The following DNAJC16 variants were observed in gnomAD, a reference collection of about 807,000 sequenced individuals.
The protein encoded by DNAJC16 is DnaJ heat shock protein family (Hsp40) member C16, also known as dnaJ homolog subfamily C member 16.
Under a neutral mutation model 92.7 loss-of-function variants are expected in DNAJC16, and 76 were observed. That is an observed-to-expected ratio of 0.82 (90% CI 0.68 to 0.99). The LOEUF (loss-of-function observed/expected upper bound fraction) is 0.99. Among genes scored for constraint, DNAJC16 ranks in the 50% least tolerant of loss-of-function variants. DNAJC16 has a pLI of 0.00. For synonymous variants in DNAJC16, 328 were observed against 358.7 expected (o/e 0.91, Z 0.97); for missense variants, 869 against 942.4 (o/e 0.92, Z 1.02).
At chr1:15,565,858 T>C in intron 11 of DNAJC16, 61 bp from the exon 12 acceptor site, 1 of 1,518,816 alleles carries the variant, frequency 6.6e-7, no homozygotes, top group Non-Finnish European at 9.0e-7. Flanking sequence ...TTATTTTATC[T>C]TTTTTTAGCT....
chr1:15,546,351 G>A (rs968110434), intron 5 of DNAJC16, among the ~76,000 whole-genome samples: 2 of 152,134 alleles, frequency 1.3e-5, no homozygotes, highest in African/African-American at 4.8e-5. Flanking sequence ...AGACTGAGGT[G>A]TGATAGATAG....
chr1:15,561,512 C>T (rs1272146333), intron 8 of DNAJC16, among the ~76,000 whole-genome samples: 2 of 151,036 alleles, frequency 1.3e-5, no homozygotes, highest in South Asian at 2.1e-4. Flanking sequence ...TAGTGAAAAC[C>T]CGTCTCTACT....
chr1:15,548,271 T>A lies in DNAJC16; in HGVS notation c.866T>A (p.Leu289Ter), dbSNP rs772282080. ...QTPIVPLLYK[L>*]TAFAYKDYLS... ...TTCCTCTCTATTATGCCCTAACAGT[T>A]GACTGCCTTTGCATACAAAGATTAT... Residue 289 changes from leucine to a stop codon, truncating the protein, a stop_gained and splice_region_variant, in exon 7 of 15, where the codon TTG becomes TAG. Coordinates refer to ENST00000375847, the MANE Select transcript of DNAJC16 (RefSeq NM_015291.4). LOFTEE classifies it high-confidence loss of function. The A allele has an allele frequency of 6.2e-7, 1 of 1,613,742 alleles. No individual in the cohort carries two copies. The highest frequency in any genetic ancestry group is 8.5e-7 in the Non-Finnish European group (1 of 1,179,860).
chr1:15,558,971 G>A lies in DNAJC16; in HGVS notation c.1024-555G>A, dbSNP rs1197408760. Among the ~76,000 whole-genome samples the A allele has an allele frequency of 5.3e-5, 8 of 152,106 alleles. No homozygotes were observed. In the South Asian group the frequency reaches 8.3e-4, roughly 16 times the overall value. ...TGTTTTGTTTTTGAGATGGAGTCTC[G>A]CTCTGTCGCCCAGGCTAAAGTGCAG... On this transcript the variant is annotated intron_variant, in intron 7 of 14. Coordinates refer to ENST00000375847, the MANE Select transcript of DNAJC16 (RefSeq NM_015291.4).
At chr1:15,567,725 C>A in intron 14 of DNAJC16, 53 bp from the exon 15 acceptor site, 1 of 1,527,270 alleles carries the variant, frequency 6.5e-7, no homozygotes, top group Non-Finnish European at 8.9e-7. Flanking sequence ...ATTTTCTCAG[C>A]AATTAAATGT....
chr1:15,568,055 T>C lies in DNAJC16; in HGVS notation c.2227T>C (p.Ser743Pro). Residue 743 changes from serine to proline, a missense_variant, in exon 15 of 15, where the codon TCC (serine) becomes CCC (proline). Coordinates refer to ENST00000375847, the MANE Select transcript of DNAJC16 (RefSeq NM_015291.4). The part of the protein sequence containing the change: ...LYLGESRGKP[S>P]CGLGSRPIKG... ...CCTGGGTGAATCTCGAGGGAAACCT[T>C]CCTGTGGCCTTGGATCCAGGCCCAT... The C allele has an allele frequency of 3.7e-6, 6 of 1,614,200 alleles. No homozygotes were observed. The highest frequency in any genetic ancestry group is 5.1e-6 in the Non-Finnish European group (6 of 1,180,030).
intron 1 of DNAJC16, among the ~76,000 whole-genome samples, chr1:15,528,398 C>T (rs1470392630): frequency 6.6e-6 from 1 of 151,886 alleles, no homozygotes; most frequent in Non-Finnish European, 1.5e-5. Flanking sequence ...CCCATCATTG[C>T]ACTCCAGCCT....
intron 3 of DNAJC16, among the ~76,000 whole-genome samples, chr1:15,535,670 C>T (rs2103405071): frequency 6.6e-6 from 1 of 152,202 alleles, no homozygotes; most frequent in East Asian, 1.9e-4. Flanking sequence ...ATGGAGGCTG[C>T]AGTGAGCTGT....
intron 4 of DNAJC16, among the ~76,000 whole-genome samples, chr1:15,537,971 G>A (rs1710833009): frequency 6.6e-6 from 1 of 152,210 alleles, no homozygotes; most frequent in Non-Finnish European, 1.5e-5. Flanking sequence ...GCTGGAAGGT[G>A]CAGGCAGAGC....
At chr1:15,534,137 C>A in intron 2 of DNAJC16, 100 bp from the exon 3 acceptor site, 2 of 1,096,610 alleles carry the variant, frequency 1.8e-6, no homozygotes. Flanking sequence ...ACAAAATAGC[C>A]CTCCGTCTGC....
At chr1:15,552,496 A>G (rs1453370634) in intron 7 of DNAJC16, among the ~76,000 whole-genome samples, 1 of 151,998 alleles carries the variant, frequency 6.6e-6, no homozygotes, top group African/African-American at 2.4e-5. Flanking sequence ...CTCAAAAAAA[A>G]AAAGTTACTG....
rs2103429646 is a variant in DNAJC16 at position 15,567,168 on chromosome 1, A to G, written c.1848A>G (p.Val616=). The change falls in exon 14 of 15, where the codon GTA becomes GTG. Residue 616 remains valine (V), a synonymous_variant. Coordinates refer to ENST00000375847, the MANE Select transcript of DNAJC16 (RefSeq NM_015291.4). ...LTDVTYTSNL[V]RLRPGHMNVV... is the part of the protein sequence containing the mutation. ...ATGTAACATACACCAGTAACTTGGT[A>G]CGTCTGAGGCCAGGCCACATGAATG... The G allele has an allele frequency of 6.2e-7, 1 of 1,614,172 alleles. No homozygotes were observed. The highest frequency in any genetic ancestry group is 8.5e-7 in the Non-Finnish European group (1 of 1,179,982).
intron 3 of DNAJC16, among the ~76,000 whole-genome samples, chr1:15,536,156 C>A (rs191288104): frequency 6.6e-6 from 1 of 150,532 alleles, no homozygotes; most frequent in Non-Finnish European, 1.5e-5. Flanking sequence ...TCACCTCAAC[C>A]TCCGCCTCCT....
intron 8 of DNAJC16, among the ~76,000 whole-genome samples, chr1:15,561,065 C>T (rs1426753173): frequency 6.6e-6 from 1 of 151,888 alleles, no homozygotes; most frequent in Non-Finnish European, 1.5e-5. Context: ...TCTGATGGAG[C>T]CTGGCTTCTA....
chr1:15,548,330 G>A lies in DNAJC16; in HGVS notation c.925G>A (p.Gly309Arg). Residue 309 changes from glycine to arginine, a missense_variant, in exon 7 of 15, where the codon GGG becomes AGG. Transcript: ENST00000375847. ...TGGATATGTATATGTGGGTTTGAGA[G>A]GGACGGAAGAGATGACAAGGCGGTA... is the stretch of plus-strand genomic sequence containing the variant. ...SFGYVYVGLR[G>R]TEEMTRRYNI... 1 of 1,614,178 alleles carries A rather than the reference G, an allele frequency of 6.2e-7. No homozygotes were observed. The highest frequency in any genetic ancestry group is 1.1e-5 in the South Asian group (1 of 91,078).
chr1:15,549,770 C>T (rs185059240), intron 7 of DNAJC16, among the ~76,000 whole-genome samples: 1 of 147,656 alleles, frequency 6.8e-6, no homozygotes, highest in African/African-American at 2.5e-5. Context: ...GCTGAGATCA[C>T]GCCGCCCACT....
chr1:15,568,766 G>T lies in DNAJC16; in HGVS notation c.*589G>T, dbSNP rs1192693002. On this transcript the variant is annotated 3_prime_UTR_variant, in exon 15 of 15. Coordinates refer to ENST00000375847, the MANE Select transcript of DNAJC16 (RefSeq NM_015291.4). ...TGGGGGTATCCCCCAACAACAGTTTGTTGGCCACAGGTTGAAAAGGAAAGG... is the reference window on the plus strand; with the variant it reads ...TGGGGGTATCCCCCAACAACAGTTTTTTGGCCACAGGTTGAAAAGGAAAGG... 7.5e-6 allele frequency: 3 copies of T among 398,730 alleles called. No individual in the cohort carries two copies. Among genetic ancestry groups the T allele is most frequent in the African/African-American group, 4.1e-5 (2 of 48,776 alleles). 24.7% of individuals were successfully genotyped at this position (398,730 alleles called of 1,614,324 possible).
chr1:15,529,349 C>T, intron 2 of DNAJC16, 77 bp downstream of exon 2: 2 of 1,391,676 alleles, frequency 1.4e-6, no homozygotes, highest in South Asian at 1.4e-5. Flanking sequence ...TTATGACTAG[C>T]TTTTATTTGT....
intron 5 of DNAJC16, among the ~76,000 whole-genome samples, chr1:15,546,248 AG>A (rs1638299197): frequency 6.6e-6 from 1 of 152,120 alleles, no homozygotes; most frequent in Non-Finnish European, 1.5e-5. Context: ...TGGGAGGTTG[AG>A]GGTGCAATGA....
Sources: allele counts gnomAD v4.1 joint callset (sites outside exome capture counted in the v4.1 genomes callset), GRCh38; gene constraint gnomAD v4.1.1; transcripts MANE v1.5; gene names NCBI Gene and HGNC (gene_info 2026-07-23, HGNC 2026-07-21).